The following ASTN1 variants were observed in gnomAD, a reference collection of about 807,000 sequenced individuals.
ASTN1 encodes astrotactin-1.
ASTN1 carries 41 observed loss-of-function variants against 140.7 expected under a neutral mutation model. The observed-to-expected ratio is 0.29, with a 90% CI of 0.23 to 0.38. The LOEUF (loss-of-function observed/expected upper bound fraction) is 0.38, where lower values mean the gene tolerates loss of function less well. Among genes scored for constraint, ASTN1 ranks in the 10% least tolerant of loss-of-function variants. ASTN1 has a pLI of 1.00. For missense variants in ASTN1, 1,479 were observed against 1,678.8 expected, an observed-to-expected ratio of 0.88 and a Z score of 2.08; for synonymous variants, 640 against 652.2, an observed-to-expected ratio of 0.98 and a Z score of 0.29.
chr1:176,994,764 T>C (rs1373694584), intron 8 of ASTN1, among the ~76,000 whole-genome samples: 1 of 152,206 alleles, frequency 6.6e-6, no homozygotes, highest in Non-Finnish European at 1.5e-5. Context: ...TGATAGTTCA[T>C]ATTCATAAGG....
intron 9 of ASTN1, among the ~76,000 whole-genome samples, chr1:176,962,884 T>A (rs1672725409): frequency 6.6e-6 from 1 of 152,226 alleles, no homozygotes; most frequent in South Asian, 2.1e-4. Context: ...GAGACTATCT[T>A]GGTCATATTT....
At chr1:177,076,172 G>A (rs1054355523) in intron 1 of ASTN1, among the ~76,000 whole-genome samples, 31 of 151,510 alleles carry the variant, frequency 2.0e-4, no homozygotes, top group African/African-American at 6.5e-4. Context: ...CCAGCTACTC[G>A]GGAGGCTGAG....
intron 20 of ASTN1, among the ~76,000 whole-genome samples, chr1:176,877,076 G>A (rs934890638): frequency 6.6e-6 from 1 of 152,072 alleles, no homozygotes; most frequent in Non-Finnish European, 1.5e-5. Context: ...AACCACTCAG[G>A]GGAAGAGTTT....
In ASTN1 at chr1:177,054,640, G is replaced by A. The variant is rs564760825; in HGVS notation, c.471+6438C>T. Reference sequence around the variant, plus strand: ...CTATGGTAACAAATTAGATACATCTGCTTCTTTCACTAAGGAGTTAGAATA... The same window carrying A: ...CTATGGTAACAAATTAGATACATCTACTTCTTTCACTAAGGAGTTAGAATA... On this transcript the variant is annotated intron_variant, in intron 2 of 22. Coordinates refer to ENST00000361833, the MANE Select transcript of ASTN1 (RefSeq NM_004319.3). Among the ~76,000 whole-genome samples, 9 of 152,296 alleles carry A rather than the reference G, an allele frequency of 5.9e-5. No homozygotes were observed. The East Asian group carries it at 1.5e-3, about 26-fold the overall frequency.
intron 9 of ASTN1, among the ~76,000 whole-genome samples, chr1:176,959,040 A>G (rs928837465): frequency 6.6e-6 from 1 of 152,182 alleles, no homozygotes; most frequent in African/African-American, 2.4e-5. Context: ...GCCCAGATTT[A>G]TTCTCTGCAC....
chr1:177,008,637 G>A (rs928906800), intron 8 of ASTN1, among the ~76,000 whole-genome samples: 3 of 150,220 alleles, frequency 2.0e-5, no homozygotes, highest in African/African-American at 4.9e-5. Flanking sequence ...AGAAGGAGGA[G>A]GAGGAAGAGG....
Position 176,965,151 on chromosome 1 carries a change from A to G in ASTN1, c.1598+12T>C. 6.2e-7 allele frequency: 1 copy of G among 1,613,114 alleles called. No homozygotes were observed. On this transcript the variant is annotated intron_variant, in intron 9 of 22. Coordinates refer to ENST00000361833, the MANE Select transcript of ASTN1 (RefSeq NM_004319.3). ...CAGACGTACATAAGCAAGTCCCTAGACAATCACTTACCTAAATATTTTATC... is the reference window on the plus strand; with the variant it reads ...CAGACGTACATAAGCAAGTCCCTAGGCAATCACTTACCTAAATATTTTATC...
chr1:177,129,706 C>T (rs1013434256), intron 1 of ASTN1, among the ~76,000 whole-genome samples: 5 of 152,202 alleles, frequency 3.3e-5, no homozygotes, highest in East Asian at 1.9e-4. Flanking sequence ...TGGTGGCTCA[C>T]GCCTGTAATC....
chr1:177,024,279 G>A (rs1227061121), intron 6 of ASTN1, among the ~76,000 whole-genome samples: 2 of 152,130 alleles, frequency 1.3e-5, no homozygotes, highest in African/African-American at 4.8e-5. Flanking sequence ...AGGGAGTCTT[G>A]GTGCCTTCCT....
At chr1:177,127,302 T>C (rs1199277008) in intron 1 of ASTN1, among the ~76,000 whole-genome samples, 1 of 152,174 alleles carries the variant, frequency 6.6e-6, no homozygotes, top group African/African-American at 2.4e-5. Context: ...TATAAAAATA[T>C]TAAAATGTTA....
chr1:177,076,171 C>T (rs1185935962), intron 1 of ASTN1, among the ~76,000 whole-genome samples: 19 of 148,946 alleles, frequency 1.3e-4, no homozygotes, highest in South Asian at 6.5e-4. Flanking sequence ...CCCAGCTACT[C>T]GGGAGGCTGA....
At chr1:176,981,202 ACT>A (rs1470835922) in intron 8 of ASTN1, among the ~76,000 whole-genome samples, 115 of 119,016 alleles carry the variant, frequency 9.7e-4, no homozygotes, top group Non-Finnish European at 1.3e-3. Context: ...ACAGAAGGAG[ACT>A]CTGTCTCAAA....
intron 1 of ASTN1, among the ~76,000 whole-genome samples, chr1:177,125,053 ATATAGT>A (rs1221381228): frequency 1.3e-5 from 2 of 152,232 alleles, no homozygotes; most frequent in Admixed American, 6.5e-5. Flanking sequence ...AGGGCTTAAA[ATATAGT>A]TAGAGTAATA....
chr1:176,902,983 T>G (rs1021241457), intron 16 of ASTN1, among the ~76,000 whole-genome samples: 7 of 152,198 alleles, frequency 4.6e-5, no homozygotes, highest in Non-Finnish European at 7.4e-5. Flanking sequence ...TAGTTCCCAG[T>G]GGGCAAGAAG....
intron 11 of ASTN1, among the ~76,000 whole-genome samples, chr1:176,953,861 C>A (rs114609466): frequency 6.6e-6 from 1 of 152,158 alleles, no homozygotes; most frequent in African/African-American, 2.4e-5. Flanking sequence ...TACATTCTTA[C>A]GTCTTACAAA....
intron 1 of ASTN1, among the ~76,000 whole-genome samples, chr1:177,128,590 C>G (rs1248659859): frequency 6.6e-6 from 1 of 152,152 alleles, no homozygotes; most frequent in East Asian, 1.9e-4. Context: ...TATGAGATCT[C>G]TAAGTGACTC....
chr1:176,876,756 C>T (rs951495600), intron 20 of ASTN1, 119 bp from the exon 21 acceptor site: 10 of 941,374 alleles, frequency 1.1e-5, no homozygotes, highest in Admixed American at 7.1e-5. Context: ...CAGATACTCT[C>T]GTCATCCTGG....
chr1:176,943,160 C>T (rs1311564246), intron 14 of ASTN1, among the ~76,000 whole-genome samples: 1 of 151,966 alleles, frequency 6.6e-6, no homozygotes, highest in Non-Finnish European at 1.5e-5. Flanking sequence ...TCTCAGTCAG[C>T]CGCCTCTCAT....
At chr1:176,890,104 G>A (rs12075841) in intron 17 of ASTN1, among the ~76,000 whole-genome samples, 2,053 of 152,320 alleles carry the variant, frequency 0.013, 35 homozygotes, top group African/African-American at 0.047. Context: ...AAGGATACGA[G>A]GATGCACAAG....
Sources: gnomAD v4.1 joint callset for allele counts (sites outside exome capture counted in the v4.1 genomes callset) on GRCh38, gnomAD v4.1.1 for gene constraint, MANE v1.5 for transcripts, NCBI Gene and HGNC (gene_info 2026-07-23, HGNC 2026-07-21) for gene names.